Variants in MAP3K5 observed in about 807,000 individuals in gnomAD.
The protein encoded by MAP3K5 is ASK-1.
A neutral mutation model predicts 158.7 loss-of-function variants in MAP3K5; 56 were observed. The ratio of observed to expected loss-of-function variants is 0.35; its 90% CI spans 0.28 to 0.44. The LOEUF is 0.44. MAP3K5 is among the 20% of genes least tolerant of loss of function. MAP3K5 has a pLI of 1.00. For synonymous variants in MAP3K5, 579 were observed against 601.7 expected, an observed-to-expected ratio of 0.96 and a Z score of 0.55; for missense variants, 1,294 against 1,674.8, an observed-to-expected ratio of 0.77 and a Z score of 3.97.
chr6:136,686,417 G>A (rs995853425), intron 7 of MAP3K5, among the ~76,000 whole-genome samples: 9 of 152,152 alleles, frequency 5.9e-5, no homozygotes, highest in African/African-American at 1.9e-4. Context: ...TGGAAGTTAC[G>A]GCCAGGGCAA....
At chr6:136,622,152 T>TTATTTCAAG (rs1259868409) in intron 15 of MAP3K5, among the ~76,000 whole-genome samples, 6 of 152,098 alleles carry the variant, frequency 3.9e-5, no homozygotes, top group Middle Eastern at 6.8e-3. Flanking sequence ...GGGATTTCTC[T>TTATTTCAAG]TATTTCAAGT....
chr6:136,754,984 G>T (rs1027627085), intron 1 of MAP3K5, among the ~76,000 whole-genome samples: 2 of 152,062 alleles, frequency 1.3e-5, no homozygotes, highest in African/African-American at 4.8e-5. Flanking sequence ...GAATCATGAA[G>T]TCCCATCAAT....
At chr6:136,668,649 TTTG>T (rs1779333922) in intron 8 of MAP3K5, among the ~76,000 whole-genome samples, 1 of 152,122 alleles carries the variant, frequency 6.6e-6, no homozygotes, top group Non-Finnish European at 1.5e-5. Context: ...TCACTTGAAA[TTTG>T]TTCACTAAGA....
chr6:136,653,076 A>G (rs1778589559), intron 10 of MAP3K5, among the ~76,000 whole-genome samples: 1 of 152,232 alleles, frequency 6.6e-6, no homozygotes, highest in Non-Finnish European at 1.5e-5. Flanking sequence ...TATAAAGGAT[A>G]GATATTAACC....
chr6:136,629,721 T>C (rs1210611792), intron 14 of MAP3K5, among the ~76,000 whole-genome samples: 2 of 152,050 alleles, frequency 1.3e-5, no homozygotes, highest in Non-Finnish European at 2.9e-5. Context: ...CCCAAAGTGC[T>C]GAGATTACAG....
At position 136,648,451 on chromosome 6, in the gene MAP3K5, A is replaced by C. The variant is rs17065566; in HGVS notation, c.1788+2533T>G. 4.7e-3 allele frequency among the ~76,000 whole-genome samples: 710 copies of C among 152,294 alleles called. 5 individuals are homozygous for C. Among genetic ancestry groups the C allele is most frequent in the African/African-American group, 0.016 (682 of 41,562 alleles). Reference sequence around the variant, plus strand: ...ATTGGAGAAAGACCACAGTTCTGAAAGATGCTGCTCGGTATTGCTCAGTGC... The same window carrying C: ...ATTGGAGAAAGACCACAGTTCTGAACGATGCTGCTCGGTATTGCTCAGTGC... On this transcript the variant is annotated intron_variant, in intron 11 of 29. Transcript: ENST00000359015.
At chr6:136,673,155 G>A (rs928938898) in intron 7 of MAP3K5, among the ~76,000 whole-genome samples, 2 of 152,036 alleles carry the variant, frequency 1.3e-5, no homozygotes, top group Non-Finnish European at 2.9e-5. Flanking sequence ...AGTTCAAGAG[G>A]GTCACAGCTA....
chr6:136,584,686 T>C (rs571335030), intron 23 of MAP3K5, among the ~76,000 whole-genome samples: 3 of 152,106 alleles, frequency 2.0e-5, no homozygotes, highest in Admixed American at 2.0e-4. Context: ...AGCCAAACCA[T>C]ATCAGGGAGG....
At chr6:136,782,138 G>A (rs1784640755) in intron 1 of MAP3K5, among the ~76,000 whole-genome samples, 1 of 151,898 alleles carries the variant, frequency 6.6e-6, no homozygotes, top group Non-Finnish European at 1.5e-5. Context: ...AATTAGGCCA[G>A]GCACAGTGGC....
At chr6:136,701,677 A>C (rs910434823) in intron 3 of MAP3K5, among the ~76,000 whole-genome samples, 6 of 152,244 alleles carry the variant, frequency 3.9e-5, no homozygotes, top group African/African-American at 1.4e-4. Flanking sequence ...CTAAAGCTTC[A>C]ACTATGAGAA....
At chr6:136,669,534 A>G in intron 7 of MAP3K5, 139 bp from the exon 8 acceptor site, 1 of 603,802 alleles carries the variant, frequency 1.7e-6, no homozygotes, top group East Asian at 2.8e-5. Context: ...CTGGTGTGCT[A>G]TTAGGACTTA....
chr6:136,629,100 T>A (rs1037476581), intron 14 of MAP3K5: 1 of 152,232 alleles, frequency 6.6e-6, no homozygotes, highest in Non-Finnish European at 1.5e-5. Flanking sequence ...GAATCATCTC[T>A]TTATTGCTGT....
At chr6:136,561,674 T>A in intron 27 of MAP3K5, 29 bp from the exon 28 acceptor site, 1 of 1,249,962 alleles carries the variant, frequency 8.0e-7, no homozygotes, top group Non-Finnish European at 1.2e-6. Context: ...AAGATATTCT[T>A]AATTTCACCT....
At chr6:136,628,117 C>A (rs186287047) in intron 14 of MAP3K5, among the ~76,000 whole-genome samples, 60 of 145,028 alleles carry the variant, frequency 4.1e-4, no homozygotes, top group Admixed American at 7.6e-4. Context: ...ATATTTAAAT[C>A]TTTTTTTTTT....
At chr6:136,573,000 C>T (rs776006693) in intron 25 of MAP3K5, among the ~76,000 whole-genome samples, 34 of 152,150 alleles carry the variant, frequency 2.2e-4, no homozygotes, top group Admixed American at 8.5e-4. Context: ...ATATATAATT[C>T]ACATGTACAC....
At chr6:136,669,884 G>GT (rs1779403255) in intron 7 of MAP3K5, among the ~76,000 whole-genome samples, 2 of 144,402 alleles carry the variant, frequency 1.4e-5, no homozygotes, top group African/African-American at 5.1e-5. Flanking sequence ...CATCATTCAG[G>GT]GTGTGTGTGT....
chr6:136,570,722 T>C (rs191498201), intron 25 of MAP3K5, among the ~76,000 whole-genome samples: 1 of 152,324 alleles, frequency 6.6e-6, no homozygotes, highest in East Asian at 1.9e-4. Context: ...GTGTTAAGTA[T>C]ACTAACAGTG....
chr6:136,610,701 A>C (rs1776297711), intron 18 of MAP3K5, among the ~76,000 whole-genome samples: 1 of 152,088 alleles, frequency 6.6e-6, no homozygotes, highest in South Asian at 2.1e-4. Context: ...ATTAAAAAAA[A>C]AAAAAAATCT....
intron 1 of MAP3K5, among the ~76,000 whole-genome samples, chr6:136,746,275 C>T (rs1325771133): frequency 6.9e-6 from 1 of 144,842 alleles, no homozygotes; most frequent in Non-Finnish European, 1.5e-5. Context: ...AAATAAATTT[C>T]ATAAAATTTT....
Sources: allele counts gnomAD v4.1 joint callset (sites outside exome capture counted in the v4.1 genomes callset), GRCh38; gene constraint gnomAD v4.1.1; transcripts MANE v1.5; gene names NCBI Gene and HGNC (gene_info 2026-07-23, HGNC 2026-07-21).